TRPM2: variants seen among roughly 807,000 people sequenced by gnomAD.
TRPM2 encodes the protein transient receptor potential cation channel subfamily M member 2.
In TRPM2, 161 loss-of-function variants were observed where a neutral mutation model predicts 174.0. The observed-to-expected ratio is 0.93, with a 90% CI of 0.81 to 1.05. TRPM2 has a LOEUF of 1.05. TRPM2 is among the 50% of genes least tolerant of loss of function. The pLI, the probability that TRPM2 is intolerant of heterozygous loss-of-function variation, is 0.00. For missense variants in TRPM2, 2,057 were observed against 2,038.0 expected (o/e 1.01, Z -0.18); for synonymous variants, 954 against 861.3 (o/e 1.11, Z -1.88).
Position 44,441,700 on chromosome 21 carries a change from C to T in TRPM2, c.4395C>T (p.His1465=), listed in dbSNP as rs374406565. ...TGCCCTTGTTCTTCCAGAACCTGCA[C>T]GCCTGCGACTCGGGGGCCTCCATCC... ...VELNRLNSNL[H]ACDSGASIRW... The change falls in exon 32 of 32, where the codon CAC becomes CAT. Residue 1465 remains histidine, a synonymous_variant. Transcript: ENST00000397928. The T allele has an allele frequency of 3.0e-5, 48 of 1,609,738 alleles. No individual in the cohort carries two copies. Among genetic ancestry groups the T allele is most frequent in the African/African-American group, 2.7e-4 (20 of 74,892 alleles).
At chr21:44,424,995 TG>T in intron 24 of TRPM2, 56 bp downstream of exon 24, 1 of 1,466,062 alleles carries the variant, frequency 6.8e-7, no homozygotes. Flanking sequence ...CTTTTGGGTC[TG>T]GGGTCAGTTG....
chr21:44,370,536 G>T (rs1383481770), intron 5 of TRPM2, among the ~76,000 whole-genome samples: 1 of 152,176 alleles, frequency 6.6e-6, no homozygotes, highest in African/African-American at 2.4e-5. Context: ...GGAAAGCCCA[G>T]GGAACACTGG....
rs752126565 is a variant in TRPM2 at position 44,414,041 on chromosome 21, T to C, written c.3113T>C (p.Ile1038Thr). ...LLCLYLLFTN[I>T]LLLNLLIAMF... is the part of the protein sequence containing the mutation. ...TGCCTCTACCTGCTCTTCACCAACA[T>C]CCTGCTGCTCAACCTCCTCATCGCC... The change falls in exon 20 of 32, where the codon ATC (isoleucine) becomes ACC (threonine). Residue 1038 changes from isoleucine to threonine, a missense_variant. Physicochemically the swap from Ile to Thr is moderately conservative, Grantham distance 89. Transcript: ENST00000397928. The C allele has an allele frequency of 6.2e-7, 1 of 1,605,956 alleles. No individual in the cohort carries two copies. Among genetic ancestry groups the C allele is most frequent in the Non-Finnish European group, 8.5e-7 (1 of 1,176,760 alleles).
At position 44,439,068 on chromosome 21, in the gene TRPM2, G is replaced by T. The variant is rs756766799; in HGVS notation, c.4169G>T (p.Gly1390Val). 4.3e-6 allele frequency: 7 copies of T among 1,612,446 alleles called. No individual in the cohort carries two copies. Among genetic ancestry groups the T allele is most frequent in the Non-Finnish European group, 5.9e-6 (7 of 1,179,528 alleles). Residue 1390 changes from glycine (G) to valine (V), a missense_variant and splice_region_variant, in exon 30 of 32, where the codon GGC becomes GTC. By Grantham distance (109) the Gly-to-Val change is moderately radical. Transcript: ENST00000397928. This position sits in a 1 kb window ranked among gnomAD's most constrained non-coding sequence, Gnocchi z 5.1. ...PLSEHWALPG[G>V]SREPGEMLPR... is the part of the protein sequence containing the mutation. ...TGCCTCCGTCCTCTGTCTGTCCAGG[G>T]CTCCCGGGAGCCAGGGGAGATGCTA...
rs199722068 is a variant in TRPM2 at position 44,407,302 on chromosome 21, T to A, written c.2962+537T>A. Among the ~76,000 whole-genome samples, 3 of 148,698 alleles carry A rather than the reference T, an allele frequency of 2.0e-5. No homozygotes were observed. The East Asian group carries it at 6.1e-4, about 30-fold the overall frequency. On this transcript the variant is annotated intron_variant, in intron 19 of 31. Coordinates refer to ENST00000397928, the MANE Select transcript of TRPM2 (RefSeq NM_003307.4). ...CAACACACCCGGCTAATTTTTGTAT[T>A]TTTTGTAGAGATGGGGGTTTCAGCA...
chr21:44,359,788 C>G, intron 2 of TRPM2, among the ~76,000 whole-genome samples: 1 of 151,368 alleles, frequency 6.6e-6, no homozygotes, highest in Non-Finnish European at 1.5e-5. Flanking sequence ...TGCTCTGTCA[C>G]CCAGGCTGGA....
intron 9 of TRPM2, among the ~76,000 whole-genome samples, chr21:44,388,409 T>A: frequency 6.6e-6 from 1 of 150,882 alleles, no homozygotes; most frequent in African/African-American, 2.4e-5. Context: ...GGGGGAGAGG[T>A]GAATGAGGAG....
rs899516093 is a variant in TRPM2, at chr21:44,391,287, C to T, written c.1456C>T (p.Pro486Ser). Residue 486 changes from proline to serine, a missense_variant, in exon 11 of 32, where the codon CCC becomes TCC. Physicochemically the swap from Pro to Ser is moderately conservative, Grantham distance 74. Coordinates refer to ENST00000397928, the MANE Select transcript of TRPM2 (RefSeq NM_003307.4). The surrounding 1 kb of genome is among the most constrained non-coding windows in gnomAD (Gnocchi z 5.0). Reference protein sequence around the residue: ...EWQWKPSDLHPTMTAALISNK... With the variant: ...EWQWKPSDLHSTMTAALISNK... Reference sequence around the variant, plus strand: ...TTGCTCTCAGCCTTCAGATCTGCACCCCACGATGACAGCTGCACTCATCTC... The same window carrying T: ...TTGCTCTCAGCCTTCAGATCTGCACTCCACGATGACAGCTGCACTCATCTC... 1.9e-6 allele frequency: 3 copies of T among 1,613,576 alleles called. No homozygotes were observed. Among genetic ancestry groups the T allele is most frequent in the East Asian group, 2.2e-5 (1 of 44,890 alleles).
chr21:44,404,218 CAG>C (rs2049767809), intron 16 of TRPM2, among the ~76,000 whole-genome samples: 2 of 151,730 alleles, frequency 1.3e-5, no homozygotes, highest in South Asian at 4.2e-4. Flanking sequence ...CAGAGACACA[CAG>C]ATACACATAC....
At position 44,408,521 on chromosome 21, in the gene TRPM2, G is replaced by A. The variant is rs181347543; in HGVS notation, c.2962+1756G>A. Among the ~76,000 whole-genome samples the A allele has an allele frequency of 2.7e-3, 417 of 151,920 alleles. 1 individual carries two copies. The highest frequency in any genetic ancestry group is 9.4e-3 in the African/African-American group (388 of 41,428). On this transcript the variant is annotated intron_variant, in intron 19 of 31. Coordinates refer to ENST00000397928, the MANE Select transcript of TRPM2 (RefSeq NM_003307.4). ...AAAAAAACAAAGCTCGCATCCCGGT[G>A]GGTGAGAAGTGGCTCTCCTTGTCGC...
At chr21:44,419,323 G>A (rs888354500) in intron 22 of TRPM2, among the ~76,000 whole-genome samples, 1 of 152,092 alleles carries the variant, frequency 6.6e-6, no homozygotes, top group African/African-American at 2.4e-5. Flanking sequence ...TTAGAGACAT[G>A]TATGTACTCC....
rs112045011 is a variant in TRPM2 at position 44,376,195 on chromosome 21, C to T, written c.952+182C>T. 5.9e-3 allele frequency among the ~76,000 whole-genome samples: 896 copies of T among 152,246 alleles called. 8 individuals carry two copies. Among genetic ancestry groups the T allele is most frequent in the African/African-American group, 0.02 (821 of 41,536 alleles). ...GTCATTCGTGGCACTCGGCAGAGAG[C>T]GCGGTGAGCTGGTCAGACTGTCAGG... On this transcript the variant is annotated intron_variant, in intron 6 of 31. Transcript: ENST00000397928. The surrounding 1 kb of genome is among the most constrained non-coding windows in gnomAD (Gnocchi z 4.2).
rs2048685551 is a variant in TRPM2 at position 44,375,944 on chromosome 21, T to C, written c.883T>C (p.Tyr295His). Residue 295 changes from tyrosine to histidine, a missense_variant, in exon 6 of 32, where the codon TAC (tyrosine) becomes CAC (histidine). Physicochemically the swap from Tyr to His is moderately conservative, Grantham distance 83. Coordinates refer to ENST00000397928, the MANE Select transcript of TRPM2 (RefSeq NM_003307.4). ...CGTGGACGACGGGACCCACGGCCAG[T>C]ACGGGGTGGAGATTCCTCTGAGGAC... The part of the protein sequence containing the change: ...ILVDDGTHGQ[Y>H]GVEIPLRTRL... 1 of 1,613,972 alleles carries C rather than the reference T, an allele frequency of 6.2e-7. No homozygotes were observed. Among genetic ancestry groups the C allele is most frequent in the Non-Finnish European group, 8.5e-7 (1 of 1,180,014 alleles).
intron 8 of TRPM2, among the ~76,000 whole-genome samples, chr21:44,380,485 T>G (rs140311794): frequency 6.6e-6 from 1 of 152,286 alleles, no homozygotes; most frequent in African/African-American, 2.4e-5. Flanking sequence ...AATCTGCTGT[T>G]GTTGAAAGGT....
At position 44,368,916 on chromosome 21, in the gene TRPM2, G is replaced by C. The variant is rs149299583; in HGVS notation, c.605-261G>C. ...ATACAAGAATGCAGAGAGGTGCTGA[G>C]AACCGCGATCCTGAGACTGGGGCCT... is the stretch of plus-strand genomic sequence containing the variant. On this transcript the variant is annotated intron_variant, in intron 4 of 31. Coordinates refer to ENST00000397928, the MANE Select transcript of TRPM2 (RefSeq NM_003307.4). Among the ~76,000 whole-genome samples the C allele has an allele frequency of 2.3e-3, 353 of 152,316 alleles. 2 individuals are homozygous for C. Among genetic ancestry groups the C allele is most frequent in the African/African-American group, 8.2e-3 (341 of 41,556 alleles).
In TRPM2 at chr21:44,424,851, G is replaced by T. The variant is rs145618288; in HGVS notation, c.3550-1G>T. ...ACTGTGTCTCGGGCCATGCCTTCCA[G>T]GTGGCCCAGACAGCCCAAGCCCTGC... On this transcript the variant is annotated splice_acceptor_variant, in intron 23 of 31. Coordinates refer to ENST00000397928, the MANE Select transcript of TRPM2 (RefSeq NM_003307.4). LOFTEE classifies it high-confidence loss of function. 11 of 1,592,610 alleles carry T rather than the reference G, an allele frequency of 6.9e-6. No homozygotes were observed. The African/African-American group carries it at 1.5e-4, about 21-fold the overall frequency.
intron 2 of TRPM2, among the ~76,000 whole-genome samples, chr21:44,360,687 C>T (rs1038977673): frequency 2.6e-5 from 4 of 151,854 alleles, no homozygotes; most frequent in Non-Finnish European, 2.9e-5. Context: ...CTGCCTCAGC[C>T]TCCTGAGTAG....
Position 44,354,915 on chromosome 21 carries a change from CG to C in TRPM2, c.254+183del, listed in dbSNP as rs1176674145. Among the ~76,000 whole-genome samples, 2 of 152,162 alleles carry C rather than the reference CG, an allele frequency of 1.3e-5. No homozygotes were observed. Among genetic ancestry groups the C allele is most frequent in the Non-Finnish European group, 2.9e-5 (2 of 68,038 alleles). ...CACCTAACCCTTGCAAGCCTCCTGTCGGGGACAGTTGACCCTCATCCTGCCT... is the reference window on the plus strand; with the variant it reads ...CACCTAACCCTTGCAAGCCTCCTGTCGGGACAGTTGACCCTCATCCTGCCT... On this transcript the variant is annotated intron_variant, in intron 2 of 31. Coordinates refer to ENST00000397928, the MANE Select transcript of TRPM2 (RefSeq NM_003307.4). The surrounding 1 kb of genome is among the most constrained non-coding windows in gnomAD (Gnocchi z 4.3).
intron 16 of TRPM2, among the ~76,000 whole-genome samples, chr21:44,403,556 A>G (rs561029364): frequency 6.6e-6 from 1 of 151,616 alleles, no homozygotes; most frequent in Admixed American, 6.6e-5. Flanking sequence ...ACACACACAT[A>G]CATACATGCA....
Sources: gnomAD v4.1 joint callset for allele counts (sites outside exome capture counted in the v4.1 genomes callset) on GRCh38, gnomAD v4.1.1 for gene constraint, Gnocchi (gnomAD v3.1) non-coding constraint, MANE v1.5 for transcripts, NCBI Gene and HGNC (gene_info 2026-07-23, HGNC 2026-07-21) for gene names.